The following SFMBT2 variants were observed in gnomAD, a reference collection of about 807,000 sequenced individuals.
The protein encoded by SFMBT2 is Scm like with four mbt domains 2, also known as scm-like with four MBT domains protein 2.
SFMBT2 carries 38 observed loss-of-function variants against 110.1 expected under a neutral mutation model. That is an observed-to-expected ratio of 0.35 (90% confidence interval 0.27 to 0.45). The LOEUF (loss-of-function observed/expected upper bound fraction) is 0.45. SFMBT2 is among the 20% of genes least tolerant of loss of function. The pLI, the probability that SFMBT2 is intolerant of heterozygous loss-of-function variation, is 1.00. For synonymous variants in SFMBT2, 425 were observed against 425.4 expected (o/e 1.00, Z 0.01); for missense variants, 1,011 against 1,094.9 (o/e 0.92, Z 1.08).
chr10:7,226,536 A>G (rs1047014849), intron 10 of SFMBT2, among the ~76,000 whole-genome samples: 16 of 152,114 alleles, frequency 1.1e-4, no homozygotes, highest in African/African-American at 3.6e-4. Flanking sequence ...AGTGCTTTGC[A>G]CTGTTGTTAC....
rs369479041 is a variant in SFMBT2, at chr10:7,349,440, C to CTTTTTTTTTT, written c.436+18199_436+18208dup. Among the ~76,000 whole-genome samples the CTTTTTTTTTT allele has an allele frequency of 5.2e-3, 245 of 46,888 alleles. 50 individuals are homozygous for CTTTTTTTTTT. The highest frequency in any genetic ancestry group is 0.017 in the African/African-American group (191 of 10,990). The allele number at this position is 46,888 out of a possible 152,430, so 30.8% of individuals were successfully genotyped here. A position where few individuals can be genotyped will look rare whatever the true frequency, so the allele number is the denominator to read the frequency against. ...CCCTGACTCTTTTTTCTTTTCTTTT[C>CTTTTTTTTTT]TTTTTTTTTTTTTTTTTTTTTTTTT... On this transcript the variant is annotated intron_variant, in intron 4 of 20. Transcript: ENST00000397167.
chr10:7,228,704 TTTCTTTCTTTCTTTC>T (rs1564395070), intron 9 of SFMBT2, among the ~76,000 whole-genome samples: 2 of 134,552 alleles, frequency 1.5e-5, no homozygotes, highest in South Asian at 2.5e-4. Context: ...TCTTTCTTTC[TTTCTTTCTTTCTTTC>T]TTTCTTTCTT....
At chr10:7,394,872 G>C (rs1845880627) in intron 1 of SFMBT2, among the ~76,000 whole-genome samples, 1 of 152,084 alleles carries the variant, frequency 6.6e-6, no homozygotes, top group African/African-American at 2.4e-5. Context: ...CTGTTACACA[G>C]AGGGCCTCTT....
intron 7 of SFMBT2, among the ~76,000 whole-genome samples, chr10:7,272,040 C>T (rs1048300237): frequency 1.3e-5 from 2 of 152,132 alleles, no homozygotes; most frequent in East Asian, 1.9e-4. Context: ...ATAACAAGTG[C>T]ACCTCCTGGT....
intron 4 of SFMBT2, among the ~76,000 whole-genome samples, chr10:7,300,074 C>G (rs1364563586): frequency 6.6e-6 from 1 of 152,052 alleles, no homozygotes; most frequent in African/African-American, 2.4e-5. Flanking sequence ...AAACAGAAAA[C>G]CAAACATCAC....
At chr10:7,292,476 A>G (rs1444097318) in intron 4 of SFMBT2, among the ~76,000 whole-genome samples, 1 of 152,236 alleles carries the variant, frequency 6.6e-6, no homozygotes, top group Non-Finnish European at 1.5e-5. Context: ...TCCTAGTGCT[A>G]CCTACTACTG....
At chr10:7,327,451 T>C (rs1471787558) in intron 4 of SFMBT2, among the ~76,000 whole-genome samples, 1 of 152,080 alleles carries the variant, frequency 6.6e-6, no homozygotes, top group Non-Finnish European at 1.5e-5. Flanking sequence ...GAGGCCAAGG[T>C]GGGCAGATCA....
intron 1 of SFMBT2, among the ~76,000 whole-genome samples, chr10:7,394,746 C>T (rs1289211904): frequency 1.3e-5 from 2 of 152,090 alleles, no homozygotes; most frequent in African/African-American, 4.8e-5. Context: ...ATAGGTACTG[C>T]TTTCATTTCA....
At position 7,277,578 on chromosome 10, in the gene SFMBT2, C is replaced by T. The variant is rs184086505; in HGVS notation, c.773-589G>A. On this transcript the variant is annotated intron_variant, in intron 6 of 20. Transcript: ENST00000397167. The stretch of plus-strand genomic sequence containing the variant: ...CATGTTGCCCATATTTTTCCCCAGG[C>T]AGTGGGAGGGGGGGCAAGATTTACA... 279 of 165,230 alleles carry T rather than the reference C, an allele frequency of 1.7e-3. 2 individuals are homozygous for T. The highest frequency in any genetic ancestry group is 2.4e-3 in the Non-Finnish European group (193 of 80,602). 10.2% of individuals were successfully genotyped at this position (165,230 alleles called of 1,614,324 possible).
rs59930811 is a variant in SFMBT2, at chr10:7,163,123, C to CAACAAACAAACAAACAAACA, written c.*627_*646dup. On this transcript the variant is annotated 3_prime_UTR_variant, in exon 21 of 21. Transcript: ENST00000397167. This position sits in a 1 kb window ranked among gnomAD's most constrained non-coding sequence, Gnocchi z 4.8. ...GTCTCAAAAAACACAACAAAATGAA[C>CAACAAACAAACAAACAAACA]AACAAACAAACAAACAAACAAACAA... 1.2e-5 allele frequency: 2 copies of CAACAAACAAACAAACAAACA among 160,328 alleles called. No homozygotes were observed. The highest frequency in any genetic ancestry group is 4.9e-5 in the African/African-American group (2 of 40,974). 9.9% of individuals were successfully genotyped at this position (160,328 alleles called of 1,614,324 possible). A position where few individuals can be genotyped will look rare whatever the true frequency, so the allele number is the denominator to read the frequency against.
chr10:7,405,796 A>C (rs1215418284), intron 1 of SFMBT2, among the ~76,000 whole-genome samples: 4 of 151,178 alleles, frequency 2.6e-5, no homozygotes, highest in African/African-American at 9.7e-5. Flanking sequence ...GAACAGAACC[A>C]TGTCCACCTA....
intron 11 of SFMBT2, chr10:7,206,173 T>C (rs1474067969): frequency 2.0e-6 from 2 of 984,940 alleles, no homozygotes; most frequent in East Asian, 1.1e-4. Flanking sequence ...AAAACGAAGG[T>C]TTGGAAAAAG....
intron 4 of SFMBT2, among the ~76,000 whole-genome samples, chr10:7,287,921 A>T (rs919058044): frequency 6.6e-6 from 1 of 152,224 alleles, no homozygotes; most frequent in Admixed American, 6.5e-5. Context: ...GTTGCTAATG[A>T]TATTTTGCTT....
rs905132992 is a variant in SFMBT2, at chr10:7,228,689, TTC to T, written c.1121-754_1121-753del. 3.7e-4 allele frequency among the ~76,000 whole-genome samples: 44 copies of T among 118,352 alleles called. No individual in the cohort carries two copies. The South Asian group carries it at 4.5e-3, about 12-fold the overall frequency. The allele number at this position is 118,352 out of a possible 152,430, so 77.6% of individuals were successfully genotyped here. On this transcript the variant is annotated intron_variant, in intron 9 of 20. Coordinates refer to ENST00000397167, the MANE Select transcript of SFMBT2 (RefSeq NM_001387889.1). ...TAAAGTGGCTTCTTTCTTTCTTTCT[TTC>T]TTTCTTTCTTTCTTTCTTTCTTTCT...
chr10:7,199,283 G>C (rs1239983570), intron 14 of SFMBT2, among the ~76,000 whole-genome samples: 1 of 152,146 alleles, frequency 6.6e-6, no homozygotes, highest in Non-Finnish European at 1.5e-5. Flanking sequence ...TGGGCCAAAA[G>C]TTTCTTAATG....
chr10:7,234,818 G>C (rs1840209791), intron 9 of SFMBT2, among the ~76,000 whole-genome samples: 1 of 152,178 alleles, frequency 6.6e-6, no homozygotes, highest in Non-Finnish European at 1.5e-5. Flanking sequence ...ACCTGAAAGA[G>C]CCCTGAAAGC....
intron 7 of SFMBT2, among the ~76,000 whole-genome samples, chr10:7,257,665 C>T (rs1334508581): frequency 6.6e-6 from 1 of 152,190 alleles, no homozygotes. Flanking sequence ...CTGAACTTGA[C>T]TCATCTCCAC....
Position 7,404,345 on chromosome 10 carries a change from T to C in SFMBT2, c.-52+6516A>G, listed in dbSNP as rs551736451. On this transcript the variant is annotated intron_variant, in intron 1 of 20. Coordinates refer to ENST00000397167, the MANE Select transcript of SFMBT2 (RefSeq NM_001387889.1). Reference sequence around the variant, plus strand: ...TATTCAGTTCATATAGTAGTGTTGATTGAAATGGAGGGGAAAGAAAACAAC... The same window carrying C: ...TATTCAGTTCATATAGTAGTGTTGACTGAAATGGAGGGGAAAGAAAACAAC... Among the ~76,000 whole-genome samples, 34 of 152,174 alleles carry C rather than the reference T, an allele frequency of 2.2e-4. 2 individuals are homozygous for C. Among genetic ancestry groups the C allele is most frequent in the Non-Finnish European group, 4.4e-4 (30 of 68,022 alleles).
intron 1 of SFMBT2, among the ~76,000 whole-genome samples, chr10:7,388,938 A>G (rs930909140): frequency 2.6e-5 from 4 of 152,228 alleles, no homozygotes; most frequent in African/African-American, 9.6e-5. Flanking sequence ...AACAAACTAA[A>G]AACATGGAAG....
Sources: allele counts gnomAD v4.1 joint callset (sites outside exome capture counted in the v4.1 genomes callset), GRCh38; gene constraint gnomAD v4.1.1; non-coding constraint Gnocchi (gnomAD v3.1); transcripts MANE v1.5; gene names NCBI Gene and HGNC (gene_info 2026-07-23, HGNC 2026-07-21).